Variants in SPANXN3 observed in about 807,000 individuals in gnomAD.
SPANXN3 encodes SPANX family member N3.
Under a neutral mutation model 1.9 loss-of-function variants are expected in SPANXN3, and 1 was observed. The ratio of observed to expected loss-of-function variants is 0.54; its 90% CI spans 0.19 to 2.54. The LOEUF (loss-of-function observed/expected upper bound fraction) is 2.54, where lower values mean the gene tolerates loss of function less well. SPANXN3 is among the 30% of genes most tolerant of loss of function. The probability of loss-of-function intolerance (pLI) is 0.24; values close to 1 mark genes in which losing one functional copy is unlikely to be tolerated. For missense variants in SPANXN3, 113 were observed against 96.2 expected, an observed-to-expected ratio of 1.17 and a Z score of -0.73; for synonymous variants, 47 against 40.0, an observed-to-expected ratio of 1.17 and a Z score of -0.66.
chrX:143,513,429 C>G (rs1311495739), intron 1 of SPANXN3, among the ~76,000 whole-genome samples: 1 of 111,825 alleles, frequency 8.9e-6, no homozygotes, highest in Non-Finnish European at 1.9e-5. Flanking sequence ...CAAGGCTGGT[C>G]ACTCTGACTA....
intron 1 of SPANXN3, among the ~76,000 whole-genome samples, chrX:143,511,259 C>A (rs1177629671): frequency 9.0e-6 from 1 of 111,426 alleles, no homozygotes; most frequent in Non-Finnish European, 1.9e-5. Context: ...CAGAACTGAC[C>A]TCAATCGGAA....
rs1844034981 is a variant in SPANXN3 at position 143,508,779 on chromosome X, G to T, written c.*36C>A. On this transcript the variant is annotated 3_prime_UTR_variant, in exon 2 of 2. Transcript: ENST00000370503. ...TTTATTGTAATCATCGCCATCAGTG[G>T]TGATGATTTGTCCAATTTGGTTTCT... 1 of 1,079,890 alleles carries T rather than the reference G, an allele frequency of 9.3e-7. No homozygotes were observed. The highest frequency in any genetic ancestry group is 2.3e-5 in the Admixed American group (1 of 43,179). The allele number at this position is 1,079,890 out of a possible 1,213,427, so 89.0% of individuals were successfully genotyped here. A position where few individuals can be genotyped will look rare whatever the true frequency, so the allele number is the denominator to read the frequency against.
chrX:143,511,694 T>C (rs1177005222), intron 1 of SPANXN3, among the ~76,000 whole-genome samples: 6 of 111,837 alleles, frequency 5.4e-5, no homozygotes, highest in Non-Finnish European at 1.1e-4. Context: ...GAGCCTGTTA[T>C]AAGTGCATCC....
chrX:143,510,640 T>C (rs1240391309), intron 1 of SPANXN3, among the ~76,000 whole-genome samples: 1 of 112,129 alleles, frequency 8.9e-6, no homozygotes, highest in Admixed American at 9.4e-5. Flanking sequence ...GCTTTGCTTA[T>C]CTCCGCTCAT....
intron 1 of SPANXN3, among the ~76,000 whole-genome samples, chrX:143,514,762 G>A (rs1929174673): frequency 9.0e-6 from 1 of 111,380 alleles, no homozygotes; most frequent in African/African-American, 3.3e-5. Context: ...ACCAACAGCT[G>A]GTAAAGGCTG....
In SPANXN3 at chrX:143,515,679, C is replaced by A. The variant is rs191168033; in HGVS notation, c.78+1635G>T. On this transcript the variant is annotated intron_variant, in intron 1 of 1. Coordinates refer to ENST00000370503, the MANE Select transcript of SPANXN3 (RefSeq NM_001009609.4). The stretch of plus-strand genomic sequence containing the variant: ...TTTCCTCTTAAATCAGTCACACTCC[C>A]CTCTTCCTTCCAACTGTTAAACTTG... Among the ~76,000 whole-genome samples, 25 of 110,685 alleles carry A rather than the reference C, an allele frequency of 2.3e-4. No homozygotes were observed. In the East Asian group the frequency reaches 4.9e-3, roughly 22 times the overall value.
intron 1 of SPANXN3, among the ~76,000 whole-genome samples, chrX:143,514,603 G>A (rs1929171450): frequency 9.0e-6 from 1 of 111,022 alleles, no homozygotes; most frequent in African/African-American, 3.3e-5. Context: ...GACAATAGTA[G>A]ATACATTCTC....
intron 1 of SPANXN3, among the ~76,000 whole-genome samples, chrX:143,515,682 C>T (rs781813658): frequency 1.8e-5 from 2 of 110,922 alleles, no homozygotes; most frequent in East Asian, 5.8e-4. Context: ...ACACTCCCCT[C>T]TTCCTTCCAA....
At chrX:143,515,165 T>C (rs1312292836) in intron 1 of SPANXN3, among the ~76,000 whole-genome samples, 3 of 110,212 alleles carry the variant, frequency 2.7e-5, no homozygotes, top group African/African-American at 9.9e-5. Context: ...CTCCTCCTCC[T>C]CCCCTTTCCA....
Position 143,508,769 on chromosome X carries a change from G to A in SPANXN3, c.*46C>T, listed in dbSNP as rs372436991. ...TAAACTTGATTTTATTGTAATCATC[G>A]CCATCAGTGGTGATGATTTGTCCAA... On this transcript the variant is annotated 3_prime_UTR_variant, in exon 2 of 2. Transcript: ENST00000370503. The A allele has an allele frequency of 6.1e-5, 61 of 1,007,281 alleles. No individual in the cohort carries two copies. Among genetic ancestry groups the A allele is most frequent in the African/African-American group, 9.6e-5 (5 of 52,246 alleles). 83.0% of individuals were successfully genotyped at this position (1,007,281 alleles called of 1,213,427 possible). A position where few individuals can be genotyped will look rare whatever the true frequency, so the allele number is the denominator to read the frequency against.
At chrX:143,511,217 G>A (rs146428163) in intron 1 of SPANXN3, among the ~76,000 whole-genome samples, 2,407 of 111,221 alleles carry the variant, frequency 0.022, 28 homozygotes, top group African/African-American at 0.029. Context: ...ACAAGATGCT[G>A]CTCATAACCC....
intron 1 of SPANXN3, among the ~76,000 whole-genome samples, chrX:143,510,471 T>C (rs1602853129): frequency 9.0e-6 from 1 of 111,580 alleles, no homozygotes; most frequent in African/African-American, 3.3e-5. Flanking sequence ...CTCACTCCCC[T>C]CTGGGGTATT....
intron 1 of SPANXN3, among the ~76,000 whole-genome samples, 174 bp from the exon 2 acceptor site, chrX:143,509,336 A>G (rs1490691943): frequency 9.0e-6 from 1 of 111,258 alleles, no homozygotes; most frequent in African/African-American, 3.3e-5. Context: ...GAAGAGGAGC[A>G]TGGGTAGAGT....
At position 143,509,465 on chromosome X, in the gene SPANXN3, C is replaced by A. The variant is rs140940263; in HGVS notation, c.79-303G>T. On this transcript the variant is annotated intron_variant, in intron 1 of 1. Coordinates refer to ENST00000370503, the MANE Select transcript of SPANXN3 (RefSeq NM_001009609.4). ...GCAACATCCTGCCTAACCACCTGAC[C>A]ACAAGGTGGACAAAGGCTCAACTAA... 1,081 of 266,920 alleles carry A rather than the reference C, an allele frequency of 4.0e-3. 21 individuals are homozygous for A. Among genetic ancestry groups the A allele is most frequent in the African/African-American group, 0.027 (990 of 36,759 alleles). 22.0% of individuals were successfully genotyped at this position (266,920 alleles called of 1,213,427 possible).
At position 143,508,916 on chromosome X, in the gene SPANXN3, A is replaced by T; in HGVS notation, c.325T>A (p.Ser109Thr). 1 of 1,211,234 alleles carries T rather than the reference A, an allele frequency of 8.3e-7. No homozygotes were observed. The highest frequency in any genetic ancestry group is 1.7e-5 in the African/African-American group (1 of 57,626). Residue 109 changes from serine (S) to threonine (T), a missense_variant, in exon 2 of 2, where the codon TCA becomes ACA. Ser to Thr is a moderately conservative substitution (Grantham distance 58). Transcript: ENST00000370503. ...DEDLGPCEGP[S>T]KEDKDLDSSE... ...GAGTCTAGATCTTTGTCCTCCTTTG[A>T]AGGTCCTTCACATGGGCCTAGGTCT... is the stretch of plus-strand genomic sequence containing the variant.
intron 1 of SPANXN3, among the ~76,000 whole-genome samples, chrX:143,517,112 C>T (rs1262244004): frequency 2.7e-5 from 3 of 110,818 alleles, no homozygotes; most frequent in Non-Finnish European, 5.7e-5. Context: ...AATATCCTGC[C>T]GGGCAGCAAG....
intron 1 of SPANXN3, among the ~76,000 whole-genome samples, chrX:143,510,782 C>T (rs782817763): frequency 2.7e-5 from 3 of 109,998 alleles, no homozygotes; most frequent in East Asian, 5.9e-4. Context: ...CAAACCCCTT[C>T]GTCTGGCTCC....
At position 143,512,500 on chromosome X, in the gene SPANXN3, C is replaced by T. The variant is rs139130061; in HGVS notation, c.79-3338G>A. Among the ~76,000 whole-genome samples, 523 of 111,440 alleles carry T rather than the reference C, an allele frequency of 4.7e-3. 5 individuals are homozygous for T. The highest frequency in any genetic ancestry group is 0.015 in the African/African-American group (471 of 30,560). On this transcript the variant is annotated intron_variant, in intron 1 of 1. Coordinates refer to ENST00000370503, the MANE Select transcript of SPANXN3 (RefSeq NM_001009609.4). ...CTATTCTGGCTTTCCAAAAGACAGA[C>T]GGGACTTACCCCTTTGTCCAGGATC...
At position 143,509,099 on chromosome X, in the gene SPANXN3, C is replaced by G. The variant is rs1569469353; in HGVS notation, c.142G>C (p.Glu48Gln). ...TAATACACAAATATTATTGGATATT[C>G]TGATGTTTTTGTGTTCTTCAAACTC... ...EQSLKNTKTS[E>Q]YPIIFVYYLR... is the part of the protein sequence containing the mutation. Residue 48 changes from glutamate to glutamine, a missense_variant, in exon 2 of 2, where the codon GAA (glutamate) becomes CAA (glutamine). Transcript: ENST00000370503. The G allele has an allele frequency of 2.5e-6, 3 of 1,211,392 alleles. No individual in the cohort carries two copies. The highest frequency in any genetic ancestry group is 3.4e-6 in the Non-Finnish European group (3 of 895,281).
Sources: allele counts gnomAD v4.1 joint callset (sites outside exome capture counted in the v4.1 genomes callset), GRCh38; gene constraint gnomAD v4.1.1; transcripts MANE v1.5; gene names NCBI Gene and HGNC (gene_info 2026-07-23, HGNC 2026-07-21).